LPA: variants seen among roughly 807,000 people sequenced by gnomAD.
LPA encodes apolipoprotein(a).
Under a neutral mutation model 197.9 loss-of-function variants are expected in LPA, and 199 were observed. The observed-to-expected ratio is 1.01, with a 90% CI of 0.90 to 1.13. The LOEUF (loss-of-function observed/expected upper bound fraction) is 1.13, where lower values mean the gene tolerates loss of function less well. LPA is among the 50% of genes most tolerant of loss of function. The probability of loss-of-function intolerance (pLI) is 0.00; values close to 1 mark genes in which losing one functional copy is unlikely to be tolerated. For synonymous variants in LPA, 715 were observed against 639.5 expected (o/e 1.12, Z -1.78); for missense variants, 1,853 against 1,785.8 (o/e 1.04, Z -0.68).
rs1221283218 is a variant in LPA at position 160,531,554 on chromosome 6, C to T, written c.*175G>A. The T allele has an allele frequency of 2.8e-6, 2 of 721,016 alleles. No individual in the cohort carries two copies. The highest frequency in any genetic ancestry group is 4.8e-6 in the Non-Finnish European group (2 of 417,148). 44.7% of individuals were successfully genotyped at this position (721,016 alleles called of 1,614,324 possible). A position where few individuals can be genotyped will look rare whatever the true frequency, so the allele number is the denominator to read the frequency against. On this transcript the variant is annotated 3_prime_UTR_variant, in exon 39 of 39. Coordinates refer to ENST00000316300, the MANE Select transcript of LPA (RefSeq NM_005577.4). ...TATGACACCTTAATACAGAATTTGT[C>T]AGTCAGACCTTAAAAGCTTATACAC...
intron 24 of LPA, among the ~76,000 whole-genome samples, chr6:160,588,548 TC>T (rs1778960890): frequency 6.6e-6 from 1 of 152,188 alleles, no homozygotes; most frequent in Admixed American, 6.5e-5. Flanking sequence ...AAGTAGCTTT[TC>T]TTTGTTGTTC....
chr6:160,567,692 C>G (rs920344498), intron 28 of LPA, among the ~76,000 whole-genome samples: 1 of 151,878 alleles, frequency 6.6e-6, no homozygotes, highest in African/African-American at 2.4e-5. Context: ...TTCAAAACAT[C>G]AATGAATCCA....
chr6:160,553,954 T>TGTGTGCGTGTGTGTGCGC (rs771903485), intron 30 of LPA, among the ~76,000 whole-genome samples: 1 of 130,748 alleles, frequency 7.6e-6, no homozygotes, highest in African/African-American at 3.0e-5. Flanking sequence ...TGTGTGTGTG[T>TGTGTGCGTGTGTGTGCGC]GCGCGCGCGC....
At chr6:160,576,418 G>GCACA (rs1778678921) in intron 28 of LPA, among the ~76,000 whole-genome samples, 1 of 24,986 alleles carries the variant, frequency 4.0e-5, no homozygotes, top group African/African-American at 2.1e-4. Context: ...ATATATATGG[G>GCACA]TATATATATA....
At chr6:160,580,197 G>A (rs1778766118) in intron 26 of LPA, among the ~76,000 whole-genome samples, 1 of 152,170 alleles carries the variant, frequency 6.6e-6, no homozygotes, top group Non-Finnish European at 1.5e-5. Context: ...ATGCTTCTGA[G>A]ACTATCAGTA....
At chr6:160,545,738 A>C (rs1347262548) in intron 32 of LPA, among the ~76,000 whole-genome samples, 2 of 152,148 alleles carry the variant, frequency 1.3e-5, no homozygotes, top group African/African-American at 4.8e-5. Context: ...TTATGAGGCC[A>C]CACCCTTAAC....
chr6:160,593,846 A>G, intron 22 of LPA, 112 bp downstream of exon 22: 1 of 1,346,176 alleles, frequency 7.4e-7, no homozygotes, highest in South Asian at 1.2e-5. Flanking sequence ...ATTCTACCCA[A>G]CATTCCAGAT....
chr6:160,659,098 G>A (rs538497920), intron 1 of LPA, among the ~76,000 whole-genome samples: 13 of 152,250 alleles, frequency 8.5e-5, no homozygotes, highest in African/African-American at 2.4e-4. Context: ...CTTGGAGTCC[G>A]ATGTTCAAGA....
At chr6:160,602,261 T>A (rs189714499) in intron 18 of LPA, among the ~76,000 whole-genome samples, 359 of 152,314 alleles carry the variant, frequency 2.4e-3, no homozygotes, top group Non-Finnish European at 3.5e-3. Flanking sequence ...ACATGGAAAA[T>A]TCTTATTATA....
At chr6:160,556,823 A>C (rs564795217) in intron 29 of LPA, among the ~76,000 whole-genome samples, 1 of 152,300 alleles carries the variant, frequency 6.6e-6, no homozygotes, top group African/African-American at 2.4e-5. Context: ...GTTCCATGAG[A>C]AGAAGGCACA....
At chr6:160,649,958 G>A (rs7759633) in intron 2 of LPA, among the ~76,000 whole-genome samples, 14,657 of 152,206 alleles carry the variant, frequency 0.096, 843 homozygotes, top group Non-Finnish European at 0.14. Context: ...ATTTACTTGT[G>A]AGCCAAGACA....
At chr6:160,599,799 G>T in intron 19 of LPA, 140 bp from the exon 20 acceptor site, 1 of 868,530 alleles carries the variant, frequency 1.2e-6, no homozygotes, top group Non-Finnish European at 1.8e-6. Context: ...AAATGGACAT[G>T]AGAAAACACA....
At chr6:160,555,291 G>C (rs867704286) in intron 30 of LPA, among the ~76,000 whole-genome samples, 1 of 68,466 alleles carries the variant, frequency 1.5e-5, no homozygotes, top group African/African-American at 6.0e-5. Flanking sequence ...TATATTATAT[G>C]TTAGTGTGTG....
rs1779083414 is a variant in LPA, at chr6:160,594,053, G to A, written c.3534C>T (p.Gly1178=). ...CYHGDGQSYR[G]SFSTTVTGRT... is the part of the protein sequence containing the mutation. ...TTCCTGTGACAGTGGTAGAGAATGA[G>A]CCTCGATAACTCTGTCCATCACCAT... Residue 1178 remains glycine, a synonymous_variant, in exon 22 of 39, where the codon GGC becomes GGT. Transcript: ENST00000316300. The A allele has an allele frequency of 1.9e-6, 3 of 1,613,864 alleles. No homozygotes were observed. The highest frequency in any genetic ancestry group is 2.7e-5 in the African/African-American group (2 of 74,922).
chr6:160,569,243 T>C (rs897543356), intron 28 of LPA, among the ~76,000 whole-genome samples: 4 of 152,196 alleles, frequency 2.6e-5, no homozygotes, highest in African/African-American at 9.7e-5. Flanking sequence ...ATTACAAGGC[T>C]ACAGTAACCA....
At chr6:160,597,977 T>C (rs989359111) in intron 20 of LPA, among the ~76,000 whole-genome samples, 1 of 152,224 alleles carries the variant, frequency 6.6e-6, no homozygotes, top group African/African-American at 2.4e-5. Context: ...TGCTTGGAGA[T>C]TTGCTTTTCA....
intron 30 of LPA, among the ~76,000 whole-genome samples, chr6:160,549,961 G>A (rs914468281): frequency 6.6e-6 from 1 of 152,226 alleles, no homozygotes; most frequent in Admixed American, 6.5e-5. Flanking sequence ...TTTGGCTCAC[G>A]CCTGTAATCC....
chr6:160,546,793 G>A (rs1475212789), intron 32 of LPA, among the ~76,000 whole-genome samples: 1 of 152,182 alleles, frequency 6.6e-6, no homozygotes, highest in African/African-American at 2.4e-5. Flanking sequence ...TGTTACATGG[G>A]TGTGAGAGTG....
chr6:160,553,966 C>CGTGTGCGT, intron 30 of LPA, among the ~76,000 whole-genome samples: 1 of 45,850 alleles, frequency 2.2e-5, no homozygotes, highest in East Asian at 4.3e-4. Flanking sequence ...CGCGCGCGCG[C>CGTGTGCGT]GTGTGCGTGT....
Sources: allele counts gnomAD v4.1 joint callset (sites outside exome capture counted in the v4.1 genomes callset), GRCh38; gene constraint gnomAD v4.1.1; transcripts MANE v1.5; gene names NCBI Gene and HGNC (gene_info 2026-07-23, HGNC 2026-07-21).